The following RBFOX1 variants were observed in gnomAD, a reference collection of about 807,000 sequenced individuals.
The protein encoded by RBFOX1 is RNA binding protein fox-1 homolog 1.
A neutral mutation model predicts 57.7 loss-of-function variants in RBFOX1; 8 were observed. The observed-to-expected ratio is 0.14, with a 90% CI of 0.08 to 0.25. The LOEUF is 0.25. Ranked by LOEUF, RBFOX1 falls within the 10% of genes least tolerant of loss-of-function variation. The probability of loss-of-function intolerance (pLI) is 1.00; values close to 1 mark genes in which losing one functional copy is unlikely to be tolerated. For synonymous variants in RBFOX1, 326 were observed against 222.4 expected (o/e 1.47, Z -4.15); for missense variants, 611 against 548.5 (o/e 1.11, Z -1.14).
At position 7,676,798 on chromosome 16, in the gene RBFOX1, G is replaced by T. The variant is rs199644500; in HGVS notation, c.955G>T (p.Ala319Ser). ...IYGGYAAYRY[A>S]QPTPATAAAY... ...GGGTGGTTATGCTGCATACCGCTAC[G>T]CCCAGCCTACCCCTGCCACTGCCGC... is the stretch of plus-strand genomic sequence containing the variant. The change falls in exon 14 of 16, where the codon GCC (alanine) becomes TCC (serine). Residue 319 changes from alanine (A) to serine (S), a missense_variant. Ala to Ser is a moderately conservative substitution (Grantham distance 99, BLOSUM62 1). Around this residue, in one of 3 missense-constraint regions of RBFOX1, gnomAD observed 267 missense variants for 229.1 expected, o/e 1.17. Coordinates refer to ENST00000550418, the MANE Select transcript of RBFOX1 (RefSeq NM_018723.4). 6.2e-6 allele frequency: 10 copies of T among 1,613,212 alleles called. No homozygotes were observed. The highest frequency in any genetic ancestry group is 1.7e-5 in the Admixed American group (1 of 59,980).
rs117738666 is a variant in RBFOX1, at chr16:6,239,935, C to T, written c.-126-77060C>T. On this transcript the variant is annotated intron_variant, in intron 1 of 15. Coordinates refer to ENST00000550418, the MANE Select transcript of RBFOX1 (RefSeq NM_018723.4). ...ATATCTCATGTTGAAGTGTAATCCC[C>T]AATGGTGGGGGGTGTTTCGGTTGTG... Among the ~76,000 whole-genome samples, 149 of 152,194 alleles carry T rather than the reference C, an allele frequency of 9.8e-4. 3 individuals are homozygous for T. In the East Asian group the frequency reaches 0.027, roughly 28 times the overall value.
intron 1 of RBFOX1, among the ~76,000 whole-genome samples, chr16:5,296,558 T>A (rs1412948589): frequency 1.4e-5 from 2 of 146,642 alleles, no homozygotes; most frequent in Non-Finnish European, 2.9e-5. Flanking sequence ...TATTTTTTAA[T>A]TAAAAAAAAA....
intron 1 of RBFOX1, among the ~76,000 whole-genome samples, chr16:6,026,066 C>A (rs1030419925): frequency 5.9e-5 from 9 of 152,204 alleles, no homozygotes; most frequent in African/African-American, 1.9e-4. Flanking sequence ...GCTCATCCTT[C>A]AGGTTACAAC....
At chr16:7,233,382 T>G (rs1331532970) in intron 4 of RBFOX1, among the ~76,000 whole-genome samples, 1 of 152,196 alleles carries the variant, frequency 6.6e-6, no homozygotes, top group African/African-American at 2.4e-5. Context: ...TTCCAAGTCC[T>G]GATCACCATT....
At chr16:5,510,673 T>C (rs2043552795) in intron 2 of RBFOX1, among the ~76,000 whole-genome samples, 1 of 152,216 alleles carries the variant, frequency 6.6e-6, no homozygotes, top group South Asian at 2.1e-4. Flanking sequence ...GTAGGTGGCC[T>C]GTGAGCTACT....
At chr16:7,426,638 C>G (rs914360156) in intron 4 of RBFOX1, among the ~76,000 whole-genome samples, 1 of 152,160 alleles carries the variant, frequency 6.6e-6, no homozygotes, top group Non-Finnish European at 1.5e-5. Context: ...GCGTGGCTGT[C>G]TTGGTCTTGG....
At chr16:6,470,891 A>T (rs1435715355) in intron 2 of RBFOX1, among the ~76,000 whole-genome samples, 1 of 151,968 alleles carries the variant, frequency 6.6e-6, no homozygotes, top group African/African-American at 2.4e-5. Context: ...CCTCTTTTCC[A>T]TTATACCGTT....
At chr16:6,769,967 G>A (rs903403993) in intron 3 of RBFOX1, among the ~76,000 whole-genome samples, 1 of 152,138 alleles carries the variant, frequency 6.6e-6, no homozygotes, top group African/African-American at 2.4e-5. Context: ...CCTTATGCCT[G>A]CAGGCTACAG....
intron 14 of RBFOX1, among the ~76,000 whole-genome samples, chr16:7,701,354 C>G (rs1354784825): frequency 6.6e-6 from 1 of 152,300 alleles, no homozygotes; most frequent in East Asian, 1.9e-4. Context: ...CCCTCTCACT[C>G]ACATTCCTGC....
intron 4 of RBFOX1, among the ~76,000 whole-genome samples, chr16:7,323,616 C>T (rs1364317312): frequency 6.6e-6 from 1 of 152,184 alleles, no homozygotes; most frequent in Non-Finnish European, 1.5e-5. Context: ...CAATTCACTT[C>T]CCCTCTCATG....
intron 13 of RBFOX1, among the ~76,000 whole-genome samples, chr16:7,672,180 C>G (rs1248418613): frequency 1.3e-5 from 2 of 152,148 alleles, no homozygotes; most frequent in African/African-American, 4.8e-5. Flanking sequence ...CTATTTCTCA[C>G]TGCTAAAGCA....
intron 3 of RBFOX1, among the ~76,000 whole-genome samples, chr16:6,718,609 A>G (rs2065305908): frequency 6.6e-6 from 1 of 152,042 alleles, no homozygotes; most frequent in Admixed American, 6.6e-5. Flanking sequence ...AATCCCCAAT[A>G]TTGGAGGAGG....
intron 2 of RBFOX1, among the ~76,000 whole-genome samples, chr16:6,381,720 G>A (rs1161861766): frequency 1.3e-5 from 2 of 152,210 alleles, no homozygotes; most frequent in Non-Finnish European, 2.9e-5. Context: ...GCTAGGCCAG[G>A]CATTGGGCCG....
At chr16:5,961,483 A>G (rs2059746875) in intron 4 of RBFOX1, among the ~76,000 whole-genome samples, 1 of 135,104 alleles carries the variant, frequency 7.4e-6, no homozygotes, top group Non-Finnish European at 1.6e-5. Flanking sequence ...TTGTTTAAAA[A>G]AAACAAAACA....
chr16:7,373,293 A>G (rs984579574), intron 4 of RBFOX1, among the ~76,000 whole-genome samples: 3 of 152,172 alleles, frequency 2.0e-5, no homozygotes, highest in African/African-American at 7.2e-5. Context: ...TAAGGAACAT[A>G]CGTTACATTT....
At position 6,685,383 on chromosome 16, in the gene RBFOX1, C is replaced by G. The variant is rs952400561; in HGVS notation, c.-16+30733C>G. Reference sequence around the variant, plus strand: ...CTCCGCCTCCCAGGTTCAAGCAATTCTCTTGCCTCAGCCACCTGAGTAGCT... The same window carrying G: ...CTCCGCCTCCCAGGTTCAAGCAATTGTCTTGCCTCAGCCACCTGAGTAGCT... On this transcript the variant is annotated intron_variant, in intron 3 of 15. Transcript: ENST00000550418. Among the ~76,000 whole-genome samples the G allele has an allele frequency of 4.8e-5, 7 of 146,344 alleles. No homozygotes were observed. In the East Asian group the frequency reaches 6.1e-4, roughly 13 times the overall value.
rs1177185329 is a variant in RBFOX1, at chr16:6,303,805, C to CTTT, written c.-126-13168_-126-13166dup. Among the ~76,000 whole-genome samples, 634 of 70,324 alleles carry CTTT rather than the reference C, an allele frequency of 9.0e-3. 8 individuals are homozygous for CTTT. The highest frequency in any genetic ancestry group is 0.011 in the Non-Finnish European group (461 of 40,540). 46.1% of individuals were successfully genotyped at this position (70,324 alleles called of 152,430 possible). A position where few individuals can be genotyped will look rare whatever the true frequency, so the allele number is the denominator to read the frequency against. ...TCTGGCTAACATGGTGAAACCCTGT[C>CTTT]TTTTTTTTTTTTTTTTTTTTTTTTG... On this transcript the variant is annotated intron_variant, in intron 1 of 15. Transcript: ENST00000550418.
intron 4 of RBFOX1, among the ~76,000 whole-genome samples, chr16:7,474,586 C>A (rs949954782): frequency 6.6e-6 from 1 of 152,192 alleles, no homozygotes; most frequent in African/African-American, 2.4e-5. Context: ...ATTAAAGTGG[C>A]AGGACCGCAA....
At chr16:5,833,008 C>T (rs1300130347) in intron 3 of RBFOX1, among the ~76,000 whole-genome samples, 3 of 152,148 alleles carry the variant, frequency 2.0e-5, no homozygotes, top group African/African-American at 7.2e-5. Context: ...GTGAAAGCCA[C>T]CAACCCCCCA....
Sources: gnomAD v4.1 joint callset for allele counts (sites outside exome capture counted in the v4.1 genomes callset) on GRCh38, gnomAD v4.1.1 for gene constraint, gnomAD v4.1.1 regional missense constraint, MANE v1.5 for transcripts, NCBI Gene and HGNC (gene_info 2026-07-23, HGNC 2026-07-21) for gene names.